PRR18: variants seen among roughly 807,000 people sequenced by gnomAD.
The protein encoded by PRR18 is proline rich 18.
For synonymous variants in PRR18, 228 were observed against 220.2 expected, an observed-to-expected ratio of 1.04 and a Z score of -0.32; for missense variants, 517 against 437.4, an observed-to-expected ratio of 1.18 and a Z score of -1.62.
chr6:166,307,894 G>A lies in PRR18; in HGVS notation c.249C>T (p.Arg83=). 7 of 1,235,442 alleles carry A rather than the reference G, an allele frequency of 5.7e-6. No individual in the cohort carries two copies. Among genetic ancestry groups the A allele is most frequent in the Non-Finnish European group, 7.1e-6 (7 of 989,802 alleles). The allele number at this position is 1,235,442 out of a possible 1,614,324, so 76.5% of individuals were successfully genotyped here. Residue 83 remains arginine (R), a synonymous_variant, in exon 1 of 1, where the codon CGC becomes CGT. Transcript: ENST00000322583. The stretch of plus-strand genomic sequence containing the variant: ...GGGCGCACGTGGCTGGGGCCCGCGC[G>A]CGGCTGGGCAAGGCCTGGGGGGAGA... ...PGVSPQALPS[R]ARAPATCAPP...
In PRR18 at chr6:166,307,850, G is replaced by A. The variant is rs1443614786; in HGVS notation, c.293C>T (p.Ser98Phe). The stretch of plus-strand genomic sequence containing the variant: ...GGTGGTCCTCGCTGGGCTGTGGCCG[G>A]AGCCTGCCGGCCGGGGCGGGGCGCA... ...ATCAPPRPAG[S>F]GHSPARTTYA... is the part of the protein sequence containing the mutation. The change falls in exon 1 of 1, where the codon TCC becomes TTC. Residue 98 changes from serine to phenylalanine, a missense_variant. Coordinates refer to ENST00000322583, the MANE Select transcript of PRR18 (RefSeq NM_175922.4). 2 of 1,272,574 alleles carry A rather than the reference G, an allele frequency of 1.6e-6. No individual in the cohort carries two copies. Among genetic ancestry groups the A allele is most frequent in the Admixed American group, 4.0e-5 (1 of 25,190 alleles). The allele number at this position is 1,272,574 out of a possible 1,614,324, so 78.8% of individuals were successfully genotyped here.
chr6:166,306,149 CTAAA>C lies in PRR18; in HGVS notation c.*1102_*1105del, dbSNP rs1442878614. ...AATGAATTAAATGCTTCACATCTAA[CTAAA>C]TGTGTGCCTAGAATTAGAGAGAGAG... On this transcript the variant is annotated 3_prime_UTR_variant, in exon 1 of 1. Coordinates refer to ENST00000322583, the MANE Select transcript of PRR18 (RefSeq NM_175922.4). The C allele has an allele frequency of 2.0e-5, 3 of 151,128 alleles. No homozygotes were observed. Among genetic ancestry groups the C allele is most frequent in the Admixed American group, 6.6e-5 (1 of 15,118 alleles). 9.4% of individuals were successfully genotyped at this position (151,128 alleles called of 1,614,324 possible).
rs866495956 is a variant in PRR18, at chr6:166,307,051, G to T, written c.*204C>A. On this transcript the variant is annotated 3_prime_UTR_variant, in exon 1 of 1. Coordinates refer to ENST00000322583, the MANE Select transcript of PRR18 (RefSeq NM_175922.4). The stretch of plus-strand genomic sequence containing the variant: ...GTGAACGAGAAAGGCCCGGGCTGCC[G>T]GCTGGCGAGGGCAGGAGGGGGGCCG... 4.1e-6 allele frequency: 2 copies of T among 488,610 alleles called. No individual in the cohort carries two copies. The highest frequency in any genetic ancestry group is 6.9e-6 in the Non-Finnish European group (2 of 290,486). 30.3% of individuals were successfully genotyped at this position (488,610 alleles called of 1,614,324 possible). A position where few individuals can be genotyped will look rare whatever the true frequency, so the allele number is the denominator to read the frequency against.
rs1486799498 is a variant in PRR18, at chr6:166,307,786, C to G, written c.357G>C (p.Ala119=). ...ATSAGTGTTA[A]GTSSGAGPCP... ...AAGGCCCCGCCCCCGAGGAGGTGCC[C>G]GCGGCGGTGGTCCCCGTCCCCGCCG... The change falls in exon 1 of 1, where the codon GCG becomes GCC. Residue 119 remains alanine (A), a synonymous_variant. Transcript: ENST00000322583. 2.0e-6 allele frequency: 3 copies of G among 1,466,516 alleles called. No homozygotes were observed. The highest frequency in any genetic ancestry group is 2.8e-5 in the East Asian group (1 of 35,822). 90.8% of individuals were successfully genotyped at this position (1,466,516 alleles called of 1,614,324 possible). A position where few individuals can be genotyped will look rare whatever the true frequency, so the allele number is the denominator to read the frequency against.
rs889082070 is a variant in PRR18, at chr6:166,307,133, C to T, written c.*122G>A. 3.1e-5 allele frequency: 34 copies of T among 1,108,002 alleles called. No individual in the cohort carries two copies. In the South Asian group the frequency reaches 7.0e-4, roughly 23 times the overall value. 68.6% of individuals were successfully genotyped at this position (1,108,002 alleles called of 1,614,324 possible). ...GTGGGCCAGCTTGCGCACTGGTGTC[C>T]CGAAAGTGGGCGCTGGCGGCCAGAG... On this transcript the variant is annotated 3_prime_UTR_variant, in exon 1 of 1. Coordinates refer to ENST00000322583, the MANE Select transcript of PRR18 (RefSeq NM_175922.4).
chr6:166,306,920 A>G lies in PRR18; in HGVS notation c.*335T>C, dbSNP rs1487617546. On this transcript the variant is annotated 3_prime_UTR_variant, in exon 1 of 1. Coordinates refer to ENST00000322583, the MANE Select transcript of PRR18 (RefSeq NM_175922.4). ...CCTGGGGGTCGGGGCACCAAGAGGC[A>G]TTTTCTCAGTTGCTTAATTCCCCAC... 3.7e-6 allele frequency: 1 copy of G among 269,072 alleles called. No individual in the cohort carries two copies. The highest frequency in any genetic ancestry group is 7.0e-6 in the Non-Finnish European group (1 of 143,310). 16.7% of individuals were successfully genotyped at this position (269,072 alleles called of 1,614,324 possible).
At position 166,307,800 on chromosome 6, in the gene PRR18, C is replaced by A. The variant is rs769936339; in HGVS notation, c.343G>T (p.Gly115Trp). Reference sequence around the variant, plus strand: ...GAGGAGGTGCCCGCGGCGGTGGTCCCCGTCCCCGCCGAGGTCGCCGCATAG... The same window carrying A: ...GAGGAGGTGCCCGCGGCGGTGGTCCACGTCCCCGCCGAGGTCGCCGCATAG... Reference protein sequence around the residue: ...TTYAATSAGTGTTAAGTSSGA... With the variant: ...TTYAATSAGTWTTAAGTSSGA... Residue 115 changes from glycine to tryptophan, a missense_variant, in exon 1 of 1, where the codon GGG becomes TGG. By Grantham distance (184) the Gly-to-Trp change is radical (BLOSUM62 -2). Transcript: ENST00000322583. The A allele has an allele frequency of 1.4e-6, 2 of 1,432,244 alleles. No homozygotes were observed. Among genetic ancestry groups the A allele is most frequent in the South Asian group, 1.5e-5 (1 of 68,000 alleles). 88.7% of individuals were successfully genotyped at this position (1,432,244 alleles called of 1,614,324 possible). A position where few individuals can be genotyped will look rare whatever the true frequency, so the allele number is the denominator to read the frequency against.
At position 166,307,108 on chromosome 6, in the gene PRR18, G is replaced by C. The variant is rs936210924; in HGVS notation, c.*147C>G. 3.6e-6 allele frequency: 3 copies of C among 840,020 alleles called. No individual in the cohort carries two copies. The South Asian group carries it at 8.5e-5, about 24-fold the overall frequency. The allele number at this position is 840,020 out of a possible 1,614,324, so 52.0% of individuals were successfully genotyped here. On this transcript the variant is annotated 3_prime_UTR_variant, in exon 1 of 1. Coordinates refer to ENST00000322583, the MANE Select transcript of PRR18 (RefSeq NM_175922.4). ...TCGGGCGAGTCTGGCTGCGCCCCAC[G>C]TGGGCCAGCTTGCGCACTGGTGTCC...
At position 166,307,925 on chromosome 6, in the gene PRR18, G is replaced by C. The variant is rs1778134931; in HGVS notation, c.218C>G (p.Pro73Arg). 2 of 1,225,390 alleles carry C rather than the reference G, an allele frequency of 1.6e-6. No individual in the cohort carries two copies. The highest frequency in any genetic ancestry group is 3.3e-5 in the East Asian group (1 of 30,532). 75.9% of individuals were successfully genotyped at this position (1,225,390 alleles called of 1,614,324 possible). A position where few individuals can be genotyped will look rare whatever the true frequency, so the allele number is the denominator to read the frequency against. The change falls in exon 1 of 1, where the codon CCG (proline) becomes CGG (arginine). Residue 73 changes from proline (P) to arginine (R), a missense_variant. Transcript: ENST00000322583. Reference sequence around the variant, plus strand: ...GGGCAAGGCCTGGGGGGAGACGCCCGGAGGGGCCGGCGGCTGCGTCCTGTC... The same window carrying C: ...GGGCAAGGCCTGGGGGGAGACGCCCCGAGGGGCCGGCGGCTGCGTCCTGTC... Reference protein sequence around the residue: ...GLDRTQPPAPPGVSPQALPSR... With the variant: ...GLDRTQPPAPRGVSPQALPSR...
In PRR18 at chr6:166,306,902, G is replaced by A. The variant is rs535747339; in HGVS notation, c.*353C>T. 2 of 221,544 alleles carry A rather than the reference G, an allele frequency of 9.0e-6. No individual in the cohort carries two copies. The highest frequency in any genetic ancestry group is 5.9e-5 in the Admixed American group (1 of 16,858). The allele number at this position is 221,544 out of a possible 1,614,324, so 13.7% of individuals were successfully genotyped here. A position where few individuals can be genotyped will look rare whatever the true frequency, so the allele number is the denominator to read the frequency against. On this transcript the variant is annotated 3_prime_UTR_variant, in exon 1 of 1. Coordinates refer to ENST00000322583, the MANE Select transcript of PRR18 (RefSeq NM_175922.4). ...TCTGGGACCTAGACGAACCCTGGGGGTCGGGGCACCAAGAGGCATTTTCTC... is the reference window on the plus strand; with the variant it reads ...TCTGGGACCTAGACGAACCCTGGGGATCGGGGCACCAAGAGGCATTTTCTC...
Position 166,307,914 on chromosome 6 carries a change from G to C in PRR18, c.229C>G (p.Pro77Ala). 12 of 1,226,834 alleles carry C rather than the reference G, an allele frequency of 9.8e-6. No individual in the cohort carries two copies. Among genetic ancestry groups the C allele is most frequent in the Non-Finnish European group, 1.2e-5 (12 of 982,886 alleles). 76.0% of individuals were successfully genotyped at this position (1,226,834 alleles called of 1,614,324 possible). Residue 77 changes from proline to alanine, a missense_variant, in exon 1 of 1, where the codon CCC (proline) becomes GCC (alanine). Physicochemically the swap from Pro to Ala is conservative, Grantham distance 27. Coordinates refer to ENST00000322583, the MANE Select transcript of PRR18 (RefSeq NM_175922.4). ...CGCGCGCGGCTGGGCAAGGCCTGGG[G>C]GGAGACGCCCGGAGGGGCCGGCGGC... ...TQPPAPPGVS[P>A]QALPSRARAP...
At position 166,307,901 on chromosome 6, in the gene PRR18, G is replaced by C. The variant is rs1338767530; in HGVS notation, c.242C>G (p.Pro81Arg). The C allele has an allele frequency of 1.6e-6, 2 of 1,233,990 alleles. No homozygotes were observed. The highest frequency in any genetic ancestry group is 2.0e-6 in the Non-Finnish European group (2 of 988,698). 76.4% of individuals were successfully genotyped at this position (1,233,990 alleles called of 1,614,324 possible). The change falls in exon 1 of 1, where the codon CCC (proline) becomes CGC (arginine). Residue 81 changes from proline to arginine, a missense_variant. Physicochemically the swap from Pro to Arg is moderately radical, Grantham distance 103 (BLOSUM62 -2). Coordinates refer to ENST00000322583, the MANE Select transcript of PRR18 (RefSeq NM_175922.4). Reference protein sequence around the residue: ...APPGVSPQALPSRARAPATCA... With the variant: ...APPGVSPQALRSRARAPATCA... ...CGTGGCTGGGGCCCGCGCGCGGCTG[G>C]GCAAGGCCTGGGGGGAGACGCCCGG...
rs1482366992 is a variant in PRR18, at chr6:166,307,255, T to C, written c.888A>G (p.Ter296TrpextTer107). The C allele has an allele frequency of 2.0e-6, 3 of 1,481,456 alleles. No homozygotes were observed. Among genetic ancestry groups the C allele is most frequent in the Non-Finnish European group, 2.7e-6 (3 of 1,125,536 alleles). The allele number at this position is 1,481,456 out of a possible 1,614,324, so 91.8% of individuals were successfully genotyped here. ...LDSRRHLSTL[*>W] ...GCCTGTCCCCGCAGGCCCGCTGGGC[T>C]CACAGCGTGCTCAGGTGCCGCCGTG... The change falls in exon 1 of 1, where the codon TGA becomes TGG. Residue 296 changes from the stop codon to tryptophan (W), a stop_lost. Transcript: ENST00000322583.
Position 166,306,553 on chromosome 6 carries a change from T to C in PRR18, c.*702A>G, listed in dbSNP as rs1778098022. The C allele has an allele frequency of 6.6e-6, 1 of 152,208 alleles. No individual in the cohort carries two copies. Among genetic ancestry groups the C allele is most frequent in the South Asian group, 2.1e-4 (1 of 4,832 alleles). The allele number at this position is 152,208 out of a possible 1,614,324, so 9.4% of individuals were successfully genotyped here. ...ATTCAAATAATACACAGAAAAAATG[T>C]AATCAGCCGAGCGGTTTCCATGGAA... On this transcript the variant is annotated 3_prime_UTR_variant, in exon 1 of 1. Transcript: ENST00000322583.
Position 166,307,749 on chromosome 6 carries a change from C to T in PRR18, c.394G>A (p.Ala132Thr), listed in dbSNP as rs779555801. Residue 132 changes from alanine to threonine, a missense_variant, in exon 1 of 1, where the codon GCT becomes ACT. Coordinates refer to ENST00000322583, the MANE Select transcript of PRR18 (RefSeq NM_175922.4). ...SSGAGPCPDS[A>T]ARFCLNLTPE... Reference sequence around the variant, plus strand: ...GTGAGATTCAGGCAGAAGCGCGCAGCGGAGTCTGGACAAGGCCCCGCCCCC... The same window carrying T: ...GTGAGATTCAGGCAGAAGCGCGCAGTGGAGTCTGGACAAGGCCCCGCCCCC... 4.6e-6 allele frequency: 7 copies of T among 1,511,810 alleles called. No homozygotes were observed. The highest frequency in any genetic ancestry group is 6.2e-6 in the Non-Finnish European group (7 of 1,126,458). The allele number at this position is 1,511,810 out of a possible 1,614,324, so 93.6% of individuals were successfully genotyped here.
chr6:166,305,946 G>C lies in PRR18; in HGVS notation c.*1309C>G, dbSNP rs1307161971. The stretch of plus-strand genomic sequence containing the variant: ...AGGACGGCGCACTCAGAGACCATCT[G>C]GGTGGGGGTGGAACAAGAGCAGCAC... On this transcript the variant is annotated 3_prime_UTR_variant, in exon 1 of 1. Coordinates refer to ENST00000322583, the MANE Select transcript of PRR18 (RefSeq NM_175922.4). 6.6e-6 allele frequency: 1 copy of C among 152,194 alleles called. No homozygotes were observed. Among genetic ancestry groups the C allele is most frequent in the Non-Finnish European group, 1.5e-5 (1 of 68,044 alleles). 9.4% of individuals were successfully genotyped at this position (152,194 alleles called of 1,614,324 possible). A position where few individuals can be genotyped will look rare whatever the true frequency, so the allele number is the denominator to read the frequency against.
chr6:166,307,768 C>T lies in PRR18; in HGVS notation c.375G>A (p.Ala125=). The change falls in exon 1 of 1, where the codon GCG becomes GCA. Residue 125 remains alanine (A), a synonymous_variant. Coordinates refer to ENST00000322583, the MANE Select transcript of PRR18 (RefSeq NM_175922.4). The part of the protein sequence containing the change: ...GTTAAGTSSG[A]GPCPDSAARF... ...GCGCAGCGGAGTCTGGACAAGGCCC[C>T]GCCCCCGAGGAGGTGCCCGCGGCGG... 1 of 1,495,260 alleles carries T rather than the reference C, an allele frequency of 6.7e-7. No individual in the cohort carries two copies. The highest frequency in any genetic ancestry group is 2.1e-5 in the Admixed American group (1 of 48,440). The allele number at this position is 1,495,260 out of a possible 1,614,324, so 92.6% of individuals were successfully genotyped here.
At position 166,307,069 on chromosome 6, in the gene PRR18, G is replaced by A. The variant is rs10946152; in HGVS notation, c.*186C>T. The A allele has an allele frequency of 0.22, 123,140 of 549,266 alleles. 14,531 individuals are homozygous for A. The highest frequency in any genetic ancestry group is 0.34 in the East Asian group (9,527 of 28,208). The allele number at this position is 549,266 out of a possible 1,614,324, so 34.0% of individuals were successfully genotyped here. Reference sequence around the variant, plus strand: ...GGCTGCCGGCTGGCGAGGGCAGGAGGGGGGCCGTGGCCGTCGGGCGAGTCT... The same window carrying A: ...GGCTGCCGGCTGGCGAGGGCAGGAGAGGGGCCGTGGCCGTCGGGCGAGTCT... On this transcript the variant is annotated 3_prime_UTR_variant, in exon 1 of 1. Coordinates refer to ENST00000322583, the MANE Select transcript of PRR18 (RefSeq NM_175922.4).
Position 166,307,491 on chromosome 6 carries a change from C to A in PRR18, c.652G>T (p.Gly218Cys). Reference sequence around the variant, plus strand: ...GGGCTGAGCTGGGGAACCTGCAGGCCGCCGTGCAGCAGCTGGGCGCCGGGC... The same window carrying A: ...GGGCTGAGCTGGGGAACCTGCAGGCAGCCGTGCAGCAGCTGGGCGCCGGGC... ...PPPGAQLLHG[G>C]LQVPQLSPRP... Residue 218 changes from glycine to cysteine, a missense_variant, in exon 1 of 1, where the codon GGC becomes TGC. By Grantham distance (159) the Gly-to-Cys change is radical. Transcript: ENST00000322583. The A allele has an allele frequency of 7.2e-7, 1 of 1,383,488 alleles. No homozygotes were observed. Among genetic ancestry groups the A allele is most frequent in the Non-Finnish European group, 9.3e-7 (1 of 1,071,166 alleles). 85.7% of individuals were successfully genotyped at this position (1,383,488 alleles called of 1,614,324 possible).
Sources: allele counts gnomAD v4.1 joint callset, GRCh38; gene constraint gnomAD v4.1.1; transcripts MANE v1.5; gene names NCBI Gene and HGNC (gene_info 2026-07-23, HGNC 2026-07-21).